Variants in AP2B1 observed in about 807,000 individuals in gnomAD.
The protein encoded by AP2B1 is AP-2 complex subunit beta.
AP2B1 carries 23 observed loss-of-function variants against 102.0 expected under a neutral mutation model. The observed-to-expected ratio is 0.23, with a 90% CI of 0.16 to 0.32. AP2B1 has a LOEUF of 0.32. AP2B1 is among the 10% of genes least tolerant of loss of function. The pLI is 1.00. For synonymous variants in AP2B1, 381 were observed against 421.2 expected (o/e 0.90, Z 1.17); for missense variants, 541 against 1,157.4 (o/e 0.47, Z 7.73).
Position 35,618,645 on chromosome 17 carries a change from G to A in AP2B1, c.526-5752G>A, listed in dbSNP as rs1238609227. ...TTAAGGGACAGGGAAATGGGTGAGA[G>A]ATTCCTCATAAGTGAGCTTATGTGT... is the stretch of plus-strand genomic sequence containing the variant. On this transcript the variant is annotated intron_variant, in intron 5 of 21. Coordinates refer to ENST00000610402, the MANE Select transcript of AP2B1 (RefSeq NM_001030006.2). Among the ~76,000 whole-genome samples, 16 of 152,280 alleles carry A rather than the reference G, an allele frequency of 1.1e-4. No homozygotes were observed. In the East Asian group the frequency reaches 3.1e-3, roughly 29 times the overall value.
At chr17:35,704,335 C>G (rs1325825675) in intron 18 of AP2B1, among the ~76,000 whole-genome samples, 1 of 152,192 alleles carries the variant, frequency 6.6e-6, no homozygotes, top group Non-Finnish European at 1.5e-5. Flanking sequence ...CCCATCCCCC[C>G]ATTCCTGCCT....
intron 4 of AP2B1, among the ~76,000 whole-genome samples, chr17:35,607,033 G>A (rs142946284): frequency 6.6e-6 from 1 of 152,010 alleles, no homozygotes; most frequent in African/African-American, 2.4e-5. Flanking sequence ...ATCCTCCCGA[G>A]TAGCTGGGAT....
chr17:35,702,184 G>A (rs587678601), intron 18 of AP2B1, among the ~76,000 whole-genome samples: 1 of 152,224 alleles, frequency 6.6e-6, no homozygotes, highest in South Asian at 2.1e-4. Context: ...TGGTAGGGAG[G>A]ACAGTGGAAA....
chr17:35,652,147 C>G (rs1276762501), intron 13 of AP2B1, among the ~76,000 whole-genome samples: 1 of 152,186 alleles, frequency 6.6e-6, no homozygotes, highest in African/African-American at 2.4e-5. Context: ...GATTAATAGC[C>G]TTTAAGTTCT....
chr17:35,683,380 C>T (rs1042091155), intron 18 of AP2B1, among the ~76,000 whole-genome samples: 1 of 152,144 alleles, frequency 6.6e-6, no homozygotes, highest in East Asian at 1.9e-4. Context: ...TATTTGTAAA[C>T]CTTTTTTCCT....
intron 1 of AP2B1, among the ~76,000 whole-genome samples, chr17:35,589,594 T>C (rs1419056482): frequency 6.6e-6 from 1 of 152,234 alleles, no homozygotes; most frequent in Non-Finnish European, 1.5e-5. Context: ...TATATAGTCC[T>C]GTGCAGGGAG....
chr17:35,717,277 A>T lies in AP2B1; in HGVS notation c.2709A>T (p.Gln903His), dbSNP rs2076567956. ...RNVEGQDMLY[Q>H]SLKLTNGIWI... Reference sequence around the variant, plus strand: ...TGGAAGGGCAGGACATGCTGTACCAATCCCTGAAGCTCACTAATGGCATTT... The same window carrying T: ...TGGAAGGGCAGGACATGCTGTACCATTCCCTGAAGCTCACTAATGGCATTT... Residue 903 changes from glutamine (Q) to histidine (H), a missense_variant, in exon 21 of 22, where the codon CAA becomes CAT. Coordinates refer to ENST00000610402, the MANE Select transcript of AP2B1 (RefSeq NM_001030006.2). The T allele has an allele frequency of 6.2e-7, 1 of 1,614,090 alleles. No individual in the cohort carries two copies. Among genetic ancestry groups the T allele is most frequent in the African/African-American group, 1.3e-5 (1 of 74,936 alleles).
intron 12 of AP2B1, among the ~76,000 whole-genome samples, chr17:35,648,491 G>T (rs2074999156): frequency 6.6e-6 from 1 of 151,818 alleles, no homozygotes; most frequent in South Asian, 2.1e-4. Context: ...CTCCAGCCTG[G>T]GTGACAGAAC....
At position 35,638,789 on chromosome 17, in the gene AP2B1, GAA is replaced by G. The variant is rs11286699; in HGVS notation, c.1272-789_1272-788del. Among the ~76,000 whole-genome samples the G allele has an allele frequency of 9.0e-3, 994 of 110,536 alleles. 8 individuals are homozygous for G. The highest frequency in any genetic ancestry group is 0.025 in the African/African-American group (714 of 28,494). The allele number at this position is 110,536 out of a possible 152,430, so 72.5% of individuals were successfully genotyped here. A position where few individuals can be genotyped will look rare whatever the true frequency, so the allele number is the denominator to read the frequency against. ...GGGCGACAGAGCAACACTCCGTCTT[GAA>G]AAAAAAAAAAAAAAAAGAAAGCTCT... On this transcript the variant is annotated intron_variant, in intron 10 of 21. Coordinates refer to ENST00000610402, the MANE Select transcript of AP2B1 (RefSeq NM_001030006.2).
chr17:35,707,151 T>C (rs957870656), intron 18 of AP2B1, among the ~76,000 whole-genome samples: 1 of 151,728 alleles, frequency 6.6e-6, no homozygotes, highest in African/African-American at 2.4e-5. Context: ...TTGTTGTTGT[T>C]GTTGTTTTGT....
chr17:35,657,179 A>G (rs2075250526), intron 13 of AP2B1, among the ~76,000 whole-genome samples: 1 of 152,194 alleles, frequency 6.6e-6, no homozygotes. Context: ...CACACAATAC[A>G]TGTTTCTGCT....
At position 35,695,957 on chromosome 17, in the gene AP2B1, A is replaced by G. The variant is rs587755217; in HGVS notation, c.2454+13133A>G. On this transcript the variant is annotated intron_variant, in intron 18 of 21. Coordinates refer to ENST00000610402, the MANE Select transcript of AP2B1 (RefSeq NM_001030006.2). ...GGTTTACTGTTAAACTCAGGTAACC[A>G]TGAGTATAACTGGCCAGTGCTATAG... is the stretch of plus-strand genomic sequence containing the variant. Among the ~76,000 whole-genome samples, 7 of 152,294 alleles carry G rather than the reference A, an allele frequency of 4.6e-5. No homozygotes were observed. In the South Asian group the frequency reaches 1.0e-3, roughly 23 times the overall value.
In AP2B1 at chr17:35,652,789, A is replaced by T. The variant is rs993310361; in HGVS notation, c.1796+2000A>T. Among the ~76,000 whole-genome samples, 11 of 152,176 alleles carry T rather than the reference A, an allele frequency of 7.2e-5. No individual in the cohort carries two copies. In the East Asian group the frequency reaches 2.1e-3, roughly 29 times the overall value. On this transcript the variant is annotated intron_variant, in intron 13 of 21. Coordinates refer to ENST00000610402, the MANE Select transcript of AP2B1 (RefSeq NM_001030006.2). ...CATTAGAGTGAAGAAAAATATGTGC[A>T]TGATACCTATTCTACCTTCTTTTTA...
intron 12 of AP2B1, among the ~76,000 whole-genome samples, chr17:35,642,877 G>A (rs2074821796): frequency 6.6e-6 from 1 of 152,088 alleles, no homozygotes; most frequent in Non-Finnish European, 1.5e-5. Context: ...ACTTTCTTAA[G>A]CATCTTCCTC....
intron 17 of AP2B1, 57 bp downstream of exon 17, chr17:35,674,378 CAAGAG>C: frequency 1.9e-6 from 3 of 1,590,858 alleles, no homozygotes; most frequent in Non-Finnish European, 2.6e-6. Flanking sequence ...TTAGAACCAA[CAAGAG>C]AACATTCCAT....
At chr17:35,670,979 G>A in intron 15 of AP2B1, 81 bp downstream of exon 15, 1 of 1,432,852 alleles carries the variant, frequency 7.0e-7, no homozygotes, top group South Asian at 1.2e-5. Context: ...TATCAGACCA[G>A]CCACTGCTGC....
chr17:35,647,483 C>T (rs954557963), intron 12 of AP2B1, among the ~76,000 whole-genome samples: 2 of 151,868 alleles, frequency 1.3e-5, no homozygotes, highest in African/African-American at 4.8e-5. Context: ...ATACTAGAGA[C>T]ATTTTGATAA....
intron 9 of AP2B1, among the ~76,000 whole-genome samples, chr17:35,634,076 G>GAC (rs1405202464): frequency 1.3e-5 from 2 of 152,216 alleles, no homozygotes; most frequent in Non-Finnish European, 2.9e-5. Flanking sequence ...GAACCCAGGA[G>GAC]ACAAAGGTTG....
intron 14 of AP2B1, among the ~76,000 whole-genome samples, chr17:35,667,646 G>A (rs928445783): frequency 2.6e-5 from 4 of 152,088 alleles, no homozygotes; most frequent in African/African-American, 9.7e-5. Context: ...CTTTCCTTTG[G>A]TCTAAACACT....
Sources: allele counts gnomAD v4.1 joint callset (sites outside exome capture counted in the v4.1 genomes callset), GRCh38; gene constraint gnomAD v4.1.1; transcripts MANE v1.5; gene names NCBI Gene and HGNC (gene_info 2026-07-23, HGNC 2026-07-21).